Variants in FHIP2A observed in about 807,000 individuals in gnomAD.
The protein encoded by FHIP2A is FHF complex subunit HOOK interacting protein 2A.
A neutral mutation model predicts 93.5 loss-of-function variants in FHIP2A; 46 were observed. The observed-to-expected ratio is 0.49, with a 90% CI of 0.39 to 0.63. The LOEUF is 0.63. FHIP2A is among the 20% of genes least tolerant of loss of function. FHIP2A has a pLI of 0.00. For synonymous variants in FHIP2A, 332 were observed against 326.5 expected (o/e 1.02, Z -0.18); for missense variants, 769 against 909.7 (o/e 0.85, Z 1.99).
intron 5 of FHIP2A, among the ~76,000 whole-genome samples, chr10:114,836,713 A>G (rs1217050743): frequency 1.3e-5 from 2 of 152,228 alleles, no homozygotes; most frequent in East Asian, 3.8e-4. Flanking sequence ...TTTGATAGCC[A>G]TAGTCACCAA....
chr10:114,830,892 A>C lies in FHIP2A; in HGVS notation c.86A>C (p.His29Pro). ...SLPLQEDFVYHWKAITHYYIE... is the reference protein window; with the variant it reads ...SLPLQEDFVYPWKAITHYYIE... The stretch of plus-strand genomic sequence containing the variant: ...CCTTTACAAGAAGATTTTGTTTATC[A>C]CTGGAAGGCAATTACCCATTACTAC... Residue 29 changes from histidine (H) to proline (P), a missense_variant, in exon 2 of 17, where the codon CAC becomes CCC. His to Pro is a moderately conservative substitution (Grantham distance 77). Transcript: ENST00000369248. 1 of 1,610,256 alleles carries C rather than the reference A, an allele frequency of 6.2e-7. No individual in the cohort carries two copies.
intron 16 of FHIP2A, among the ~76,000 whole-genome samples, chr10:114,885,842 T>A (rs997034226): frequency 2.0e-5 from 3 of 152,088 alleles, no homozygotes; most frequent in African/African-American, 7.2e-5. Context: ...GTGAAGAGAG[T>A]GTAGAGAAAG....
Position 114,862,427 on chromosome 10 carries a change from A to AT in FHIP2A, c.*888dup. On this transcript the variant is annotated 3_prime_UTR_variant, in exon 17 of 17. Transcript: ENST00000369248. ...TAATTTGATTTTCTTACTGAAACGC[A>AT]TGGTGGTGTCTAGGTGGGGAACTGA... is the stretch of plus-strand genomic sequence containing the variant. The AT allele has an allele frequency of 1.0e-6, 1 of 987,346 alleles. No individual in the cohort carries two copies. The highest frequency in any genetic ancestry group is 1.7e-5 in the African/African-American group (1 of 57,348). 61.2% of individuals were successfully genotyped at this position (987,346 alleles called of 1,614,324 possible).
At chr10:114,890,639 CGT>C (rs1276867770) in intron 16 of FHIP2A, among the ~76,000 whole-genome samples, 15 of 144,362 alleles carry the variant, frequency 1.0e-4, no homozygotes, top group Non-Finnish European at 2.0e-4. Context: ...ACATATATAC[CGT>C]ATATGACATA....
intron 16 of FHIP2A, among the ~76,000 whole-genome samples, chr10:114,874,605 C>T (rs921718613): frequency 6.6e-6 from 1 of 152,144 alleles, no homozygotes; most frequent in South Asian, 2.1e-4. Flanking sequence ...CGGGTTCAAG[C>T]GATTCTTCTG....
At chr10:114,841,833 T>C (rs1281826234) in intron 5 of FHIP2A, among the ~76,000 whole-genome samples, 1 of 152,222 alleles carries the variant, frequency 6.6e-6, no homozygotes, top group Non-Finnish European at 1.5e-5. Flanking sequence ...AGTTAGTTTA[T>C]GGTGAATTTT....
chr10:114,828,105 C>T (rs896881748), intron 1 of FHIP2A, among the ~76,000 whole-genome samples: 2 of 151,874 alleles, frequency 1.3e-5, no homozygotes, highest in Non-Finnish European at 2.9e-5. Flanking sequence ...GAAAGTTTTA[C>T]ATAAATAAGG....
In FHIP2A at chr10:114,835,706, A is replaced by G. The variant is rs1437767813; in HGVS notation, c.399+65A>G. On this transcript the variant is annotated intron_variant, in intron 4 of 16. Transcript: ENST00000369248. Reference sequence around the variant, plus strand: ...TCTTTTAATGTTGAAATAATTTTATATTATTTTTCTGAGAGTAAAAATAAT... The same window carrying G: ...TCTTTTAATGTTGAAATAATTTTATGTTATTTTTCTGAGAGTAAAAATAAT... 3.0e-6 allele frequency: 3 copies of G among 1,013,988 alleles called. No individual in the cohort carries two copies. The African/African-American group carries it at 4.9e-5, about 17-fold the overall frequency. The allele number at this position is 1,013,988 out of a possible 1,614,324, so 62.8% of individuals were successfully genotyped here.
At chr10:114,822,781 A>G (rs76905475) in intron 1 of FHIP2A, among the ~76,000 whole-genome samples, 1,791 of 152,292 alleles carry the variant, frequency 0.012, 38 homozygotes, top group African/African-American at 0.041. Flanking sequence ...TGCTTTCGAC[A>G]GCTTCCAAGC....
intron 16 of FHIP2A, among the ~76,000 whole-genome samples, chr10:114,896,651 T>G (rs2084002844): frequency 6.6e-6 from 1 of 152,220 alleles, no homozygotes; most frequent in Non-Finnish European, 1.5e-5. Flanking sequence ...GCTTCCTGCC[T>G]TTGCTTCAAG....
At chr10:114,887,601 C>T (rs1056095233) in intron 16 of FHIP2A, among the ~76,000 whole-genome samples, 4 of 152,194 alleles carry the variant, frequency 2.6e-5, no homozygotes, top group Admixed American at 6.5e-5. Context: ...GCTATGTTGC[C>T]GTTCATTAGT....
At chr10:114,880,680 A>AACACACACACACAC (rs71473073) in intron 16 of FHIP2A, among the ~76,000 whole-genome samples, 15,749 of 143,866 alleles carry the variant, frequency 0.11, 1,025 homozygotes, top group Non-Finnish European at 0.14. Flanking sequence ...ACTCCATGTC[A>AACACACACACACAC]ACACACACAC....
intron 16 of FHIP2A, among the ~76,000 whole-genome samples, chr10:114,899,060 C>A (rs1435608648): frequency 6.6e-6 from 1 of 152,204 alleles, no homozygotes; most frequent in African/African-American, 2.4e-5. Flanking sequence ...AGAGGATGGA[C>A]AACCACATGC....
intron 1 of FHIP2A, among the ~76,000 whole-genome samples, chr10:114,827,297 T>A (rs2083582313): frequency 6.6e-6 from 1 of 152,204 alleles, no homozygotes; most frequent in African/African-American, 2.4e-5. Flanking sequence ...TAAAAGGCAG[T>A]GACTTCTGTG....
At chr10:114,869,337 C>G (rs7909657), downstream of FHIP2A, among the ~76,000 whole-genome samples, 48,359 of 152,030 alleles carry the variant, frequency 0.32, 8,270 homozygotes, top group Non-Finnish European at 0.39. Context: ...AAAGTATGCT[C>G]TTCTACTTAA....
intron 1 of FHIP2A, among the ~76,000 whole-genome samples, chr10:114,830,174 T>G (rs186163356): frequency 3.3e-5 from 5 of 152,272 alleles, no homozygotes; most frequent in African/African-American, 9.6e-5. Flanking sequence ...TTCAAAGTCC[T>G]AGGTACAAAG....
chr10:114,864,577 G>A lies in FHIP2A; in HGVS notation c.*3037G>A, dbSNP rs959003128. Reference sequence around the variant, plus strand: ...AGCGTCTGGAATTCTTGGTCCCTCCGTGGAGAAACTCTTCAGATGGTCATT... The same window carrying A: ...AGCGTCTGGAATTCTTGGTCCCTCCATGGAGAAACTCTTCAGATGGTCATT... On this transcript the variant is annotated 3_prime_UTR_variant, in exon 17 of 17. Transcript: ENST00000369248. 16 of 985,808 alleles carry A rather than the reference G, an allele frequency of 1.6e-5. No individual in the cohort carries two copies. The East Asian group carries it at 3.4e-4, about 21-fold the overall frequency. 61.1% of individuals were successfully genotyped at this position (985,808 alleles called of 1,614,324 possible). A position where few individuals can be genotyped will look rare whatever the true frequency, so the allele number is the denominator to read the frequency against.
chr10:114,847,913 C>T (rs1489977413), intron 12 of FHIP2A, among the ~76,000 whole-genome samples: 1 of 152,074 alleles, frequency 6.6e-6, no homozygotes, highest in Non-Finnish European at 1.5e-5. Context: ...ACGACTTGAC[C>T]TCCCAGAGTG....
intron 1 of FHIP2A, among the ~76,000 whole-genome samples, chr10:114,829,194 A>G (rs1178372272): frequency 2.0e-5 from 3 of 152,180 alleles, no homozygotes; most frequent in Non-Finnish European, 4.4e-5. Context: ...CTAGTTGGCT[A>G]TTTTTCTAGT....
Sources: gnomAD v4.1 joint callset for allele counts (sites outside exome capture counted in the v4.1 genomes callset) on GRCh38, gnomAD v4.1.1 for gene constraint, MANE v1.5 for transcripts, NCBI Gene and HGNC (gene_info 2026-07-23, HGNC 2026-07-21) for gene names.